Variants in IFT52 observed in about 807,000 individuals in gnomAD.
The protein encoded by IFT52 is intraflagellar transport 52, also known as intraflagellar transport protein 52 homolog.
Under a neutral mutation model 54.4 loss-of-function variants are expected in IFT52, and 44 were observed. That is an observed-to-expected ratio of 0.81 (90% CI 0.63 to 1.04). The LOEUF (loss-of-function observed/expected upper bound fraction) is 1.04, where lower values mean the gene tolerates loss of function less well. Ranked by LOEUF, IFT52 falls within the 50% of genes least tolerant of loss-of-function variation. The pLI is 0.00. For synonymous variants in IFT52, 181 were observed against 185.3 expected (o/e 0.98, Z 0.19); for missense variants, 452 against 523.6 (o/e 0.86, Z 1.33).
In IFT52 at chr20:43,613,925, T is replaced by G; in HGVS notation, c.561T>G (p.Gly187=). The G allele has an allele frequency of 8.1e-6, 13 of 1,614,118 alleles. No individual in the cohort carries two copies. The highest frequency in any genetic ancestry group is 1.1e-5 in the Non-Finnish European group (13 of 1,179,944). The change falls in exon 7 of 14, where the codon GGT becomes GGG. Residue 187 remains glycine (G), a synonymous_variant. Coordinates refer to ENST00000373030, the MANE Select transcript of IFT52 (RefSeq NM_016004.5). ...CAGCAGTGGCGGTTCTGTCTACAGG[T>G]TCTGTCTGCTTCCCACTTAACAGAC... The part of the protein sequence containing the change: ...MKPAVAVLST[G]SVCFPLNRPI...
At chr20:43,607,003 A>G (rs1982949544) in intron 6 of IFT52, among the ~76,000 whole-genome samples, 2 of 152,296 alleles carry the variant, frequency 1.3e-5, no homozygotes, top group South Asian at 2.1e-4. Context: ...AGACACAGCA[A>G]CCATCCGATT....
intron 10 of IFT52, among the ~76,000 whole-genome samples, chr20:43,633,175 C>T (rs1178942399): frequency 6.6e-6 from 1 of 151,606 alleles, no homozygotes; most frequent in African/African-American, 2.4e-5. Flanking sequence ...GAACCCCCGT[C>T]TCTACTAAAA....
intron 9 of IFT52, 26 bp downstream of exon 9, chr20:43,620,951 T>C (rs1338715640): frequency 4.5e-6 from 7 of 1,568,754 alleles, no homozygotes; most frequent in African/African-American, 1.4e-5. Flanking sequence ...TTAGAAACTT[T>C]TAAATGAAAA....
At position 43,642,640 on chromosome 20, in the gene IFT52, G is replaced by A; in HGVS notation, c.1266+16G>A. 1 of 1,613,070 alleles carries A rather than the reference G, an allele frequency of 6.2e-7. No individual in the cohort carries two copies. The highest frequency in any genetic ancestry group is 8.5e-7 in the Non-Finnish European group (1 of 1,179,454). On this transcript the variant is annotated intron_variant, in intron 13 of 13. Coordinates refer to ENST00000373030, the MANE Select transcript of IFT52 (RefSeq NM_016004.5). The stretch of plus-strand genomic sequence containing the variant: ...ATTGAACCAGGTACAGAGCCTACAA[G>A]GCACAGTGTAGTGGGAGCCCCTCCA...
intron 6 of IFT52, chr20:43,605,345 G>A (rs958072215): frequency 2.3e-5 from 14 of 602,580 alleles, no homozygotes; most frequent in Non-Finnish European, 3.3e-5. Context: ...TCAGGAGTTA[G>A]AGACAAGTGT....
chr20:43,594,565 GT>G, intron 1 of IFT52, 127 bp from the exon 2 acceptor site: 1 of 615,536 alleles, frequency 1.6e-6, no homozygotes, highest in Admixed American at 2.9e-5. Context: ...AATTGTAGGA[GT>G]TTCCTAGATA....
At chr20:43,596,411 T>C (rs1981962530) in intron 2 of IFT52, 24 bp from the exon 3 acceptor site, 10 of 1,454,614 alleles carry the variant, frequency 6.9e-6, no homozygotes, top group Non-Finnish European at 8.6e-6. Flanking sequence ...GACTTCATAT[T>C]TGCTTTTAAA....
intron 7 of IFT52, among the ~76,000 whole-genome samples, chr20:43,616,109 A>G (rs957611015): frequency 1.3e-5 from 2 of 152,114 alleles, no homozygotes; most frequent in African/African-American, 4.8e-5. Context: ...TTCCTGGGGA[A>G]GTTATAACTA....
At chr20:43,610,517 AG>A (rs1175234022) in intron 6 of IFT52, among the ~76,000 whole-genome samples, 1 of 151,982 alleles carries the variant, frequency 6.6e-6, no homozygotes, top group Non-Finnish European at 1.5e-5. Context: ...GCAGATCACG[AG>A]GTCAGGAGAT....
At chr20:43,631,669 A>G (rs1295687784) in intron 10 of IFT52, among the ~76,000 whole-genome samples, 1 of 152,218 alleles carries the variant, frequency 6.6e-6, no homozygotes, top group Admixed American at 6.5e-5. Flanking sequence ...GCCACAATAG[A>G]AAAATAATGC....
At chr20:43,624,440 A>C (rs1984574299) in intron 10 of IFT52, among the ~76,000 whole-genome samples, 1 of 152,222 alleles carries the variant, frequency 6.6e-6, no homozygotes, top group Admixed American at 6.5e-5. Context: ...ACTGGCACTT[A>C]GAATGCAGGA....
chr20:43,607,195 G>A (rs575745201), intron 6 of IFT52, among the ~76,000 whole-genome samples: 18 of 146,054 alleles, frequency 1.2e-4, no homozygotes, highest in African/African-American at 3.5e-4. Context: ...TGGATGGGGC[G>A]GCTGGCCGGG....
At chr20:43,623,121 A>G (rs1984465534) in intron 9 of IFT52, among the ~76,000 whole-genome samples, 1 of 152,106 alleles carries the variant, frequency 6.6e-6, no homozygotes, top group African/African-American at 2.4e-5. Flanking sequence ...ACTTTCTTTC[A>G]TGATTTCCTC....
intron 6 of IFT52, among the ~76,000 whole-genome samples, chr20:43,610,828 T>C (rs7271436): frequency 0.05 from 7,575 of 152,262 alleles, 570 homozygotes; most frequent in African/African-American, 0.15. Context: ...AACTGTAGAC[T>C]TGGAATTAGA....
intron 3 of IFT52, 123 bp from the exon 4 acceptor site, chr20:43,603,637 T>A (rs1982623861): frequency 2.4e-6 from 2 of 850,558 alleles, no homozygotes; most frequent in Non-Finnish European, 3.6e-6. Flanking sequence ...CTTATATACA[T>A]TTATATGTAA....
chr20:43,607,411 G>A (rs1344216016), intron 6 of IFT52, among the ~76,000 whole-genome samples: 62 of 150,350 alleles, frequency 4.1e-4, no homozygotes, highest in African/African-American at 1.5e-3. Context: ...TCACTTCTCA[G>A]ACGGGGCGGC....
chr20:43,599,807 T>G (rs1982282471), intron 3 of IFT52, among the ~76,000 whole-genome samples: 1 of 152,180 alleles, frequency 6.6e-6, no homozygotes, highest in Non-Finnish European at 1.5e-5. Context: ...ATTGACGCAT[T>G]ACACTAGCTT....
intron 9 of IFT52, among the ~76,000 whole-genome samples, chr20:43,622,719 G>T (rs1984407712): frequency 1.4e-5 from 2 of 142,764 alleles, no homozygotes; most frequent in Non-Finnish European, 1.5e-5. Flanking sequence ...ATATTTTTAT[G>T]TAAATATAAA....
At chr20:43,609,108 G>A (rs570771846) in intron 6 of IFT52, among the ~76,000 whole-genome samples, 22 of 151,918 alleles carry the variant, frequency 1.4e-4, no homozygotes, top group African/African-American at 4.6e-4. Context: ...CATATGTGGT[G>A]GCACACACCC....
Sources: gnomAD v4.1 joint callset for allele counts (sites outside exome capture counted in the v4.1 genomes callset) on GRCh38, gnomAD v4.1.1 for gene constraint, MANE v1.5 for transcripts, NCBI Gene and HGNC (gene_info 2026-07-23, HGNC 2026-07-21) for gene names.